DOT1L: variants seen among roughly 807,000 people sequenced by gnomAD.
DOT1L encodes the protein DOT1 like histone lysine methyltransferase, also known as histone-lysine N-methyltransferase, H3 lysine-79 specific.
Under a neutral mutation model 153.3 loss-of-function variants are expected in DOT1L, and 33 were observed. That is an observed-to-expected ratio of 0.22 (90% CI 0.16 to 0.29). The LOEUF (loss-of-function observed/expected upper bound fraction) is 0.29. Ranked by LOEUF, DOT1L falls within the 10% of genes least tolerant of loss-of-function variation. The pLI, the probability that DOT1L is intolerant of heterozygous loss-of-function variation, is 1.00. For missense variants in DOT1L, 1,847 were observed against 2,119.9 expected, an observed-to-expected ratio of 0.87 and a Z score of 2.53; for synonymous variants, 1,135 against 965.1, an observed-to-expected ratio of 1.18 and a Z score of -3.26.
At chr19:2,181,792 C>A (rs2022251773) in intron 2 of DOT1L, among the ~76,000 whole-genome samples, 1 of 151,994 alleles carries the variant, frequency 6.6e-6, no homozygotes, top group Admixed American at 6.6e-5. Flanking sequence ...CCAGCCCCAG[C>A]CCCAGCCCAG....
chr19:2,213,365 C>G, intron 16 of DOT1L, 174 bp from the exon 17 acceptor site: 1 of 595,866 alleles, frequency 1.7e-6, no homozygotes, highest in South Asian at 2.1e-5. Context: ...AGAGCTGGTC[C>G]CCTCCCGCCG....
At chr19:2,225,695 C>T (rs2024299999) in intron 26 of DOT1L, among the ~76,000 whole-genome samples, 1 of 152,106 alleles carries the variant, frequency 6.6e-6, no homozygotes, top group South Asian at 2.1e-4. Context: ...CCTCCGCGCA[C>T]ACGCCATGCT....
intron 18 of DOT1L, 38 bp downstream of exon 18, chr19:2,214,024 G>C: frequency 6.3e-7 from 1 of 1,599,436 alleles, no homozygotes; most frequent in Non-Finnish European, 8.5e-7. Flanking sequence ...CGTGGAACCA[G>C]AGGGGCCCTG....
intron 27 of DOT1L, chr19:2,228,304 C>G (rs747175048): frequency 5.2e-6 from 7 of 1,349,934 alleles, no homozygotes; most frequent in Admixed American, 2.0e-5. Flanking sequence ...CTCGGCATGC[C>G]GCCTCCCTAT....
rs1448952468 is a variant in DOT1L at position 2,191,874 on chromosome 19, G to C, written c.493+634G>C. Among the ~76,000 whole-genome samples, 1 of 152,164 alleles carries C rather than the reference G, an allele frequency of 6.6e-6. No homozygotes were observed. The highest frequency in any genetic ancestry group is 1.5e-5 in the Non-Finnish European group (1 of 68,026). ...TGTCGTCTCCTCTCAACCACGGGCG[G>C]GGCTCCTTGAAACGAGGCCCTAGGT... is the stretch of plus-strand genomic sequence containing the variant. On this transcript the variant is annotated intron_variant, in intron 5 of 27. Transcript: ENST00000398665. This position sits in a 1 kb window ranked among gnomAD's most constrained non-coding sequence, Gnocchi z 6.8.
chr19:2,220,063 C>T lies in DOT1L; in HGVS notation c.2692-45C>T. The T allele has an allele frequency of 6.5e-7, 1 of 1,549,692 alleles. No homozygotes were observed. Among genetic ancestry groups the T allele is most frequent in the Non-Finnish European group, 8.8e-7 (1 of 1,139,532 alleles). Reference sequence around the variant, plus strand: ...TGTTTCCAGCTGGGTTCTGGGTCTCCTGGGGCACCTGCTGCCCCTGACACA... The same window carrying T: ...TGTTTCCAGCTGGGTTCTGGGTCTCTTGGGGCACCTGCTGCCCCTGACACA... On this transcript the variant is annotated intron_variant, in intron 22 of 27. Coordinates refer to ENST00000398665, the MANE Select transcript of DOT1L (RefSeq NM_032482.3). The surrounding 1 kb of genome is among the most constrained non-coding windows in gnomAD (Gnocchi z 4.5).
rs565891595 is a variant in DOT1L, at chr19:2,189,527, G to A, written c.201-205G>A. Among the ~76,000 whole-genome samples the A allele has an allele frequency of 3.9e-4, 60 of 152,342 alleles. 1 individual carries two copies. The highest frequency in any genetic ancestry group is 1.2e-3 in the African/African-American group (51 of 41,576). ...GCTTCCCTGCACCGGACTCTCGGCC[G>A]GCCACCTCGCTTGTGTGTCAAACCT... On this transcript the variant is annotated intron_variant, in intron 3 of 27. Transcript: ENST00000398665.
rs2022788591 is a variant in DOT1L at position 2,191,421 on chromosome 19, C to T, written c.493+181C>T. The T allele has an allele frequency of 4.5e-6, 3 of 662,794 alleles. No homozygotes were observed. Among genetic ancestry groups the T allele is most frequent in the Non-Finnish European group, 7.7e-6 (3 of 388,972 alleles). 41.1% of individuals were successfully genotyped at this position (662,794 alleles called of 1,614,324 possible). The stretch of plus-strand genomic sequence containing the variant: ...GTTCCTTTCCCCAGCCCTGACCGGG[C>T]TCCACCCAGAGGGGAGAAATCGCAG... On this transcript the variant is annotated intron_variant, in intron 5 of 27. Coordinates refer to ENST00000398665, the MANE Select transcript of DOT1L (RefSeq NM_032482.3). The surrounding 1 kb of genome is among the most constrained non-coding windows in gnomAD (Gnocchi z 6.8).
intron 5 of DOT1L, among the ~76,000 whole-genome samples, chr19:2,192,555 C>T (rs905064701): frequency 3.3e-5 from 5 of 151,898 alleles, no homozygotes. Context: ...CGCCTGTAAT[C>T]CCAGCTACTT....
chr19:2,164,292 C>G lies in DOT1L; in HGVS notation c.81+27C>G. ...TGAGTGCCGCCCTCCACCGTCCCTA[C>G]CTCCCGGCCTCCCCTCCTCCGCCGC... On this transcript the variant is annotated intron_variant, in intron 1 of 27. Transcript: ENST00000398665. 2.4e-6 allele frequency: 3 copies of G among 1,239,408 alleles called. No individual in the cohort carries two copies. The African/African-American group carries it at 4.7e-5, about 19-fold the overall frequency. 76.8% of individuals were successfully genotyped at this position (1,239,408 alleles called of 1,614,324 possible). A position where few individuals can be genotyped will look rare whatever the true frequency, so the allele number is the denominator to read the frequency against.
intron 1 of DOT1L, among the ~76,000 whole-genome samples, 198 bp from the exon 2 acceptor site, chr19:2,180,515 C>T (rs139845561): frequency 7.2e-4 from 109 of 152,232 alleles, no homozygotes; most frequent in Non-Finnish European, 1.0e-3. Flanking sequence ...AATAGGTCCC[C>T]GGCAAGGTCT....
At chr19:2,166,140 A>G (rs893929695) in intron 1 of DOT1L, among the ~76,000 whole-genome samples, 1 of 151,414 alleles carries the variant, frequency 6.6e-6, no homozygotes, top group Admixed American at 6.6e-5. Context: ...CTTGTTGCCC[A>G]GGCTGGAGTG....
At chr19:2,173,424 G>A (rs982896648) in intron 1 of DOT1L, among the ~76,000 whole-genome samples, 12 of 152,154 alleles carry the variant, frequency 7.9e-5, no homozygotes, top group African/African-American at 2.4e-4. Flanking sequence ...GGTGAGCCGC[G>A]GATCACAGTG....
Position 2,227,025 on chromosome 19 carries a change from C to T in DOT1L, c.4504C>T (p.Pro1502Ser), listed in dbSNP as rs2144938952. 1 of 1,585,168 alleles carries T rather than the reference C, an allele frequency of 6.3e-7. No individual in the cohort carries two copies. ...SVLQSLFSSV[P>S]AAAGLVHVSS... ...GCTGCAGTCGCTGTTCAGCTCTGTG[C>T]CGGCCGCCGCAGGCCTGGTGCACGT... The change falls in exon 27 of 28, where the codon CCG becomes TCG. Residue 1502 changes from proline (P) to serine (S), a missense_variant. Transcript: ENST00000398665.
chr19:2,167,696 A>G (rs550042470), intron 1 of DOT1L, among the ~76,000 whole-genome samples: 1 of 150,896 alleles, frequency 6.6e-6, no homozygotes. Flanking sequence ...TTGCTTTCTC[A>G]CAAGAAGTGA....
intron 1 of DOT1L, among the ~76,000 whole-genome samples, chr19:2,178,232 AT>A (rs554757647): frequency 0.18 from 21,963 of 124,870 alleles, 2,582 homozygotes; most frequent in African/African-American, 0.36. Flanking sequence ...ATGCCTGGCC[AT>A]TTTTTTTTTT....
rs780367321 is a variant in DOT1L, at chr19:2,213,829, C to G, written c.1660-20C>G. 1 of 1,612,862 alleles carries G rather than the reference C, an allele frequency of 6.2e-7. No individual in the cohort carries two copies. The highest frequency in any genetic ancestry group is 8.5e-7 in the Non-Finnish European group (1 of 1,179,834). On this transcript the variant is annotated intron_variant, in intron 17 of 27. Transcript: ENST00000398665. ...CTTGGAGGCCACCAGCATGACCTCT[C>G]CCCCGCCCCATGTCCCCAGCTGGGT...
chr19:2,178,689 G>A (rs1471051804), intron 1 of DOT1L, among the ~76,000 whole-genome samples: 1 of 152,010 alleles, frequency 6.6e-6, no homozygotes, highest in Non-Finnish European at 1.5e-5. Flanking sequence ...CCAGAGTGCT[G>A]GGATTACAGG....
In DOT1L at chr19:2,190,805, G is replaced by T. The variant is rs894297227; in HGVS notation, c.265-207G>T. Among the ~76,000 whole-genome samples the T allele has an allele frequency of 6.6e-6, 1 of 151,934 alleles. No homozygotes were observed. Among genetic ancestry groups the T allele is most frequent in the Non-Finnish European group, 1.5e-5 (1 of 67,958 alleles). ...CCTCCTAGGACCCCTCTGAGTTGGG[G>T]CCTGTCCCTGGGGATGCTGCTTTAC... On this transcript the variant is annotated intron_variant, in intron 4 of 27. Coordinates refer to ENST00000398665, the MANE Select transcript of DOT1L (RefSeq NM_032482.3). This position sits in a 1 kb window ranked among gnomAD's most constrained non-coding sequence, Gnocchi z 4.8.
Sources: allele counts gnomAD v4.1 joint callset (sites outside exome capture counted in the v4.1 genomes callset), GRCh38; gene constraint gnomAD v4.1.1; non-coding constraint Gnocchi (gnomAD v3.1); transcripts MANE v1.5; gene names NCBI Gene and HGNC (gene_info 2026-07-23, HGNC 2026-07-21).